The following PMS2 variants were observed in gnomAD, a reference collection of about 807,000 sequenced individuals.
The protein encoded by PMS2 is mismatch repair endonuclease PMS2.
In PMS2, 69 loss-of-function variants were observed where a neutral mutation model predicts 90.0. That is an observed-to-expected ratio of 0.77 (90% CI 0.63 to 0.94). PMS2 has a LOEUF of 0.94. PMS2 is among the 40% of genes least tolerant of loss of function. PMS2 has a pLI of 0.00. For missense variants in PMS2, 966 were observed against 1,040.2 expected, an observed-to-expected ratio of 0.93 and a Z score of 0.98; for synonymous variants, 332 against 375.1, an observed-to-expected ratio of 0.89 and a Z score of 1.33.
intron 5 of PMS2, among the ~76,000 whole-genome samples, chr7:6,000,101 A>G (rs1784925099): frequency 6.6e-6 from 1 of 151,794 alleles, no homozygotes; most frequent in Non-Finnish European, 1.5e-5. Flanking sequence ...AGGGCCAGGC[A>G]TGATGGTTCA....
intron 2 of PMS2, 54 bp from the exon 3 acceptor site, chr7:6,004,112 T>A: frequency 1.1e-6 from 1 of 951,670 alleles, no homozygotes; most frequent in Non-Finnish European, 1.7e-6. Flanking sequence ...ATGCTATCAG[T>A]TTTTATATTG....
At chr7:6,003,920 T>G (rs1230682004) in intron 3 of PMS2, 52 bp downstream of exon 3, 1 of 1,340,416 alleles carries the variant, frequency 7.5e-7, no homozygotes, top group East Asian at 2.3e-5. Flanking sequence ...CTCAAAATTC[T>G]GAGACATGTG....
chr7:6,008,845 G>C lies in PMS2; in HGVS notation c.23+152C>G, dbSNP rs1386739295. ...CGCACCCAAGGGGCACGAGATCGCT[G>C]CAACACTGAGGTCGCCACTCCGGGG... is the stretch of plus-strand genomic sequence containing the variant. On this transcript the variant is annotated intron_variant, in intron 1 of 14. Transcript: ENST00000265849. The C allele has an allele frequency of 1.4e-5, 13 of 955,734 alleles. No homozygotes were observed. In the Admixed American group the frequency reaches 1.9e-4, roughly 14 times the overall value. The allele number at this position is 955,734 out of a possible 1,614,324, so 59.2% of individuals were successfully genotyped here.
At chr7:6,004,223 G>A (rs1299215167) in intron 2 of PMS2, 165 bp from the exon 3 acceptor site, 1 of 577,556 alleles carries the variant, frequency 1.7e-6, no homozygotes, top group African/African-American at 1.9e-5. Context: ...AGTCCTTTCT[G>A]GCTATTTACT....
Position 6,004,071 on chromosome 7 carries a change from A to C in PMS2, c.164-13T>G, listed in dbSNP as rs751134416. On this transcript the variant is annotated splice_polypyrimidine_tract_variant and intron_variant, in intron 2 of 14. Transcript: ENST00000265849. The stretch of plus-strand genomic sequence containing the variant: ...TTAAGCTTTAGATCTAGAAAGTTTA[A>C]AATATTTACATATTTATTAAAAACG... 2 of 1,397,710 alleles carry C rather than the reference A, an allele frequency of 1.4e-6. No homozygotes were observed. Among genetic ancestry groups the C allele is most frequent in the South Asian group, 2.4e-5 (2 of 84,892 alleles). 86.6% of individuals were successfully genotyped at this position (1,397,710 alleles called of 1,614,324 possible).
At chr7:6,006,073 A>G in intron 1 of PMS2, 42 bp from the exon 2 acceptor site, 4 of 1,603,294 alleles carry the variant, frequency 2.5e-6, no homozygotes, top group South Asian at 1.1e-5. Context: ...GTATTCAGCT[A>G]TATATTTTCA....
chr7:6,001,679 C>G (rs1358517431), intron 5 of PMS2, among the ~76,000 whole-genome samples: 3 of 151,360 alleles, frequency 2.0e-5, no homozygotes, highest in African/African-American at 7.3e-5. Context: ...GAGAAATATT[C>G]TTATTAAAAT....
chr7:5,997,540 T>G, intron 6 of PMS2, 117 bp from the exon 7 acceptor site: 2 of 693,970 alleles, frequency 2.9e-6, no homozygotes, highest in South Asian at 3.4e-5. Context: ...ATTAAAAGAA[T>G]CTTTTGTTTT....
rs150503526 is a variant in PMS2, at chr7:5,985,256, C to G, written c.2006+1503G>C. 6.8e-5 allele frequency among the ~76,000 whole-genome samples: 10 copies of G among 146,170 alleles called. No homozygotes were observed. The East Asian group carries it at 1.8e-3, about 27-fold the overall frequency. ...GGGACTACAGGCGTACAGCAATGTA[C>G]TTAGCTAATTTTTTTTTTTTTTTTT... On this transcript the variant is annotated intron_variant, in intron 11 of 14. Coordinates refer to ENST00000265849, the MANE Select transcript of PMS2 (RefSeq NM_000535.7).
intron 5 of PMS2, among the ~76,000 whole-genome samples, chr7:5,999,724 A>G (rs1358447887): frequency 2.0e-5 from 3 of 152,108 alleles, no homozygotes; most frequent in African/African-American, 7.2e-5. Flanking sequence ...TGAGCCTAGG[A>G]GTTCAAGGCT....
chr7:5,995,966 C>T (rs1583366592), intron 7 of PMS2, among the ~76,000 whole-genome samples: 1 of 152,098 alleles, frequency 6.6e-6, no homozygotes, highest in Non-Finnish European at 1.5e-5. Flanking sequence ...TTCTCAGAAC[C>T]TCCGTGCTGC....
rs1031625191 is a variant in PMS2 at position 5,989,728 on chromosome 7, T to A, written c.1144+72A>T. 5.8e-5 allele frequency: 70 copies of A among 1,207,236 alleles called. No individual in the cohort carries two copies. In the Middle Eastern group the frequency reaches 8.9e-4, roughly 15 times the overall value. The allele number at this position is 1,207,236 out of a possible 1,614,324, so 74.8% of individuals were successfully genotyped here. ...CTTTGTTTTCATGTCAAAAAAAAGT[T>A]TACTTGGAAAAAATAAGGAAACACA... On this transcript the variant is annotated intron_variant, in intron 10 of 14. Transcript: ENST00000265849.
intron 5 of PMS2, among the ~76,000 whole-genome samples, chr7:6,001,372 T>TA (rs1785067628): frequency 1.4e-5 from 1 of 73,876 alleles, no homozygotes; most frequent in East Asian, 4.8e-4. Flanking sequence ...AGAGAAATAT[T>TA]CTTTTTTTTT....
At chr7:5,997,233 AC>A (rs1784507001) in intron 7 of PMS2, 92 bp downstream of exon 7, 5 of 717,948 alleles carry the variant, frequency 7.0e-6, no homozygotes, top group Non-Finnish European at 1.2e-5. Flanking sequence ...AAAAAAAGAC[AC>A]GAAACTATTA....
chr7:5,993,788 G>C (rs1045629157), intron 8 of PMS2, among the ~76,000 whole-genome samples: 1 of 148,578 alleles, frequency 6.7e-6, no homozygotes, highest in African/African-American at 2.5e-5. Context: ...GTGAACCTGG[G>C]AGGCGGTGCT....
At chr7:5,989,734 G>T (rs2128746322) in intron 10 of PMS2, 66 bp downstream of exon 10, 1 of 1,276,952 alleles carries the variant, frequency 7.8e-7, no homozygotes, top group Non-Finnish European at 1.1e-6. Flanking sequence ...AAGTTTACTT[G>T]GAAAAAATAA....
At position 5,987,359 on chromosome 7, in the gene PMS2, C is replaced by T. The variant is rs1783102663; in HGVS notation, c.1406G>A (p.Arg469Lys). The change falls in exon 11 of 15, where the codon AGA (arginine) becomes AAA (lysine). Residue 469 changes from arginine to lysine, a missense_variant. By Grantham distance (26) the Arg-to-Lys change is conservative (BLOSUM62 2). Transcript: ENST00000265849. ...SGAISDKGVLRPQKEAVSSSH... is the reference protein window; with the variant it reads ...SGAISDKGVLKPQKEAVSSSH... ...GGAACTCACTGCCTCTTTCTGAGGT[C>T]TCAGGACGCCTTTGTCAGAGATGGC... 1 of 1,614,146 alleles carries T rather than the reference C, an allele frequency of 6.2e-7. No homozygotes were observed. The highest frequency in any genetic ancestry group is 8.5e-7 in the Non-Finnish European group (1 of 1,180,020).
intron 2 of PMS2, among the ~76,000 whole-genome samples, chr7:6,005,280 C>G (rs1034303761): frequency 1.5e-4 from 23 of 152,188 alleles, no homozygotes; most frequent in African/African-American, 5.5e-4. Context: ...TCTCGGCTTA[C>G]TGCAACCTCC....
At chr7:5,996,360 C>A (rs1384552695) in intron 7 of PMS2, among the ~76,000 whole-genome samples, 1 of 151,854 alleles carries the variant, frequency 6.6e-6, no homozygotes, top group Non-Finnish European at 1.5e-5. Flanking sequence ...TCAAGACCAG[C>A]CTGGGCAACA....
Sources: gnomAD v4.1 joint callset for allele counts (sites outside exome capture counted in the v4.1 genomes callset) on GRCh38, gnomAD v4.1.1 for gene constraint, MANE v1.5 for transcripts, NCBI Gene and HGNC (gene_info 2026-07-23, HGNC 2026-07-21) for gene names.